AFAP1: variants seen among roughly 807,000 people sequenced by gnomAD.
AFAP1 encodes the protein actin filament-associated protein 1.
AFAP1 carries 75 observed loss-of-function variants against 93.9 expected under a neutral mutation model. That is an observed-to-expected ratio of 0.80 (90% CI 0.66 to 0.97). The LOEUF (loss-of-function observed/expected upper bound fraction) is 0.97. Ranked by LOEUF, AFAP1 falls within the 50% of genes least tolerant of loss-of-function variation. The pLI is 0.00. For missense variants in AFAP1, 1,201 were observed against 1,050.8 expected, an observed-to-expected ratio of 1.14 and a Z score of -1.98; for synonymous variants, 517 against 430.7, an observed-to-expected ratio of 1.20 and a Z score of -2.48.
chr4:7,836,292 T>G (rs1224545307), intron 6 of AFAP1, among the ~76,000 whole-genome samples: 1 of 152,158 alleles, frequency 6.6e-6, no homozygotes, highest in African/African-American at 2.4e-5. Flanking sequence ...AACACGACGC[T>G]AAATGAAAGA....
intron 1 of AFAP1, among the ~76,000 whole-genome samples, chr4:7,916,497 T>G (rs184826265): frequency 1.5e-4 from 23 of 152,272 alleles, no homozygotes; most frequent in African/African-American, 5.3e-4. Context: ...AGTATCAATT[T>G]TCCTTCCAAA....
chr4:7,836,136 A>G (rs755369197), intron 6 of AFAP1, among the ~76,000 whole-genome samples: 1 of 152,224 alleles, frequency 6.6e-6, no homozygotes, highest in Non-Finnish European at 1.5e-5. Flanking sequence ...TAAATGTAAG[A>G]GCTAACACTG....
intron 1 of AFAP1, among the ~76,000 whole-genome samples, chr4:7,919,510 T>C (rs992167328): frequency 2.0e-5 from 3 of 152,220 alleles, no homozygotes; most frequent in Middle Eastern, 3.2e-3. Flanking sequence ...TCTGAGCCGA[T>C]TGAGTTCTTA....
Position 7,847,767 on chromosome 4 carries a change from C to G in AFAP1, c.335-4417G>C, listed in dbSNP as rs1713893572. ...GTACAGGTATTCACAGAGAGAGGAA[C>G]AGGAAGGTTCTATTTCAGGGGTACT... On this transcript the variant is annotated intron_variant, in intron 4 of 17. Coordinates refer to ENST00000420658, the MANE Select transcript of AFAP1 (RefSeq NM_001134647.2). Among the ~76,000 whole-genome samples the G allele has an allele frequency of 9.1e-5, 12 of 132,442 alleles. No homozygotes were observed. In the Admixed American group the frequency reaches 9.2e-4, roughly 10 times the overall value. 86.9% of individuals were successfully genotyped at this position (132,442 alleles called of 152,430 possible).
At position 7,868,099 on chromosome 4, in the gene AFAP1, AAC is replaced by A. The variant is rs796287549; in HGVS notation, c.225+521_225+522del. Among the ~76,000 whole-genome samples, 132 of 152,172 alleles carry A rather than the reference AAC, an allele frequency of 8.7e-4. 1 individual carries two copies. The highest frequency in any genetic ancestry group is 3.0e-3 in the African/African-American group (126 of 41,486). ...GGAATCGCCAGATTAAAAAAAAAAA[AAC>A]AACAAATTTGAATTTGAATGCATAA... is the stretch of plus-strand genomic sequence containing the variant. On this transcript the variant is annotated intron_variant, in intron 3 of 17. Coordinates refer to ENST00000420658, the MANE Select transcript of AFAP1 (RefSeq NM_001134647.2).
intron 10 of AFAP1, among the ~76,000 whole-genome samples, chr4:7,794,174 G>A (rs1019608581): frequency 1.3e-5 from 2 of 152,308 alleles, no homozygotes; most frequent in Admixed American, 1.3e-4. Context: ...AACACCACCT[G>A]ACCATGAGAA....
At chr4:7,803,341 G>A (rs969115525) in intron 9 of AFAP1, among the ~76,000 whole-genome samples, 5 of 152,366 alleles carry the variant, frequency 3.3e-5, no homozygotes, top group East Asian at 1.9e-4. Context: ...TCACGAGGCC[G>A]TGATAAGGAG....
chr4:7,907,598 C>A (rs1719489297), intron 1 of AFAP1, among the ~76,000 whole-genome samples: 1 of 152,156 alleles, frequency 6.6e-6, no homozygotes, highest in African/African-American at 2.4e-5. Flanking sequence ...GACCAGTCTC[C>A]CTAACCAGAA....
chr4:7,763,844 A>T (rs996135561), intron 17 of AFAP1, 53 bp from the exon 18 acceptor site: 31 of 1,539,534 alleles, frequency 2.0e-5, no homozygotes, highest in Non-Finnish European at 2.6e-5. Context: ...TCAGGCTGGG[A>T]CAAGCCACGC....
At position 7,900,821 on chromosome 4, in the gene AFAP1, C is replaced by T. The variant is rs114021347; in HGVS notation, c.-2-28741G>A. On this transcript the variant is annotated intron_variant, in intron 1 of 17. Coordinates refer to ENST00000420658, the MANE Select transcript of AFAP1 (RefSeq NM_001134647.2). ...GAAACAAAAGAATGAGTGAGGAATA[C>T]GTTTATATAGGAATCAGAGGAAGCA... Among the ~76,000 whole-genome samples the T allele has an allele frequency of 6.5e-3, 987 of 152,204 alleles. 7 individuals carry two copies. Among genetic ancestry groups the T allele is most frequent in the African/African-American group, 0.021 (877 of 41,524 alleles).
chr4:7,790,348 A>G (rs112392435), intron 11 of AFAP1, among the ~76,000 whole-genome samples: 2,268 of 152,322 alleles, frequency 0.015, 60 homozygotes, highest in African/African-American at 0.052. Flanking sequence ...ATTTTTAATA[A>G]ATATTTTTAG....
chr4:7,815,932 A>G, intron 8 of AFAP1, 86 bp downstream of exon 8: 2 of 1,239,198 alleles, frequency 1.6e-6, no homozygotes, highest in Non-Finnish European at 2.3e-6. Flanking sequence ...TTTTTCGTAC[A>G]ATCAGACTTT....
intron 16 of AFAP1, among the ~76,000 whole-genome samples, chr4:7,770,522 AAAGGC>A (rs1715284220): frequency 6.6e-6 from 1 of 152,208 alleles, no homozygotes; most frequent in Non-Finnish European, 1.5e-5. Flanking sequence ...CCCTGGAAGG[AAAGGC>A]AAGAACGCAG....
At chr4:7,798,733 C>A (rs1718729856) in intron 10 of AFAP1, among the ~76,000 whole-genome samples, 2 of 152,112 alleles carry the variant, frequency 1.3e-5, no homozygotes, top group African/African-American at 4.8e-5. Flanking sequence ...GAAATGCTAC[C>A]ACTTTCTCTC....
intron 1 of AFAP1, among the ~76,000 whole-genome samples, chr4:7,881,351 G>A (rs1038246940): frequency 1.3e-5 from 2 of 151,668 alleles, no homozygotes; most frequent in African/African-American, 2.4e-5. Flanking sequence ...TCACCTCCCT[G>A]ACCTCTCCTC....
chr4:7,868,573 C>T, intron 3 of AFAP1, 49 bp downstream of exon 3: 1 of 1,545,460 alleles, frequency 6.5e-7, no homozygotes, highest in Non-Finnish European at 8.8e-7. Context: ...CCCGTAAGTA[C>T]CCCCAGGCCT....
intron 6 of AFAP1, among the ~76,000 whole-genome samples, chr4:7,837,481 T>C (rs770955153): frequency 2.6e-5 from 4 of 152,166 alleles, no homozygotes; most frequent in Non-Finnish European, 4.4e-5. Flanking sequence ...AGACACTGAA[T>C]AGAACGGTCC....
intron 1 of AFAP1, among the ~76,000 whole-genome samples, chr4:7,916,371 G>T (rs1168432874): frequency 6.6e-6 from 1 of 152,130 alleles, no homozygotes; most frequent in Non-Finnish European, 1.5e-5. Flanking sequence ...ACCTCTCTGG[G>T]ACACCGTCTT....
intron 17 of AFAP1, among the ~76,000 whole-genome samples, chr4:7,765,367 C>T (rs1452038649): frequency 6.6e-6 from 1 of 152,232 alleles, no homozygotes; most frequent in Non-Finnish European, 1.5e-5. Flanking sequence ...CACCCTGTGC[C>T]CCTCGTCCTG....
Sources: gnomAD v4.1 joint callset for allele counts (sites outside exome capture counted in the v4.1 genomes callset) on GRCh38, gnomAD v4.1.1 for gene constraint, MANE v1.5 for transcripts, NCBI Gene and HGNC (gene_info 2026-07-23, HGNC 2026-07-21) for gene names.